LRMDA: variants seen among roughly 807,000 people sequenced by gnomAD.
The protein encoded by LRMDA is leucine-rich melanocyte differentiation-associated protein.
A neutral mutation model predicts 29.8 loss-of-function variants in LRMDA; 18 were observed. That is an observed-to-expected ratio of 0.60 (90% confidence interval 0.42 to 0.90). LRMDA has a LOEUF of 0.90. Among genes scored for constraint, LRMDA ranks in the 40% least tolerant of loss-of-function variants. The probability of loss-of-function intolerance (pLI) is 0.00; values close to 1 mark genes in which losing one functional copy is unlikely to be tolerated. For synonymous variants in LRMDA, 125 were observed against 109.4 expected, an observed-to-expected ratio of 1.14 and a Z score of -0.89; for missense variants, 273 against 273.9, an observed-to-expected ratio of 1.00 and a Z score of 0.02.
intron 2 of LRMDA, among the ~76,000 whole-genome samples, chr10:75,966,393 A>T (rs936091826): frequency 6.6e-6 from 1 of 152,094 alleles, no homozygotes; most frequent in Non-Finnish European, 1.5e-5. Flanking sequence ...GATTCAACGA[A>T]CCCATACGCG....
At chr10:76,486,552 CT>C (rs1338591207) in intron 6 of LRMDA, among the ~76,000 whole-genome samples, 1 of 151,930 alleles carries the variant, frequency 6.6e-6, no homozygotes, top group East Asian at 1.9e-4. Context: ...ATTTAGGACT[CT>C]GAAGAGTCCC....
intron 5 of LRMDA, among the ~76,000 whole-genome samples, chr10:76,207,470 TG>T (rs1266415886): frequency 6.6e-6 from 1 of 152,202 alleles, no homozygotes; most frequent in Non-Finnish European, 1.5e-5. Context: ...TTGAGAAACA[TG>T]CCACATTATT....
chr10:76,349,974 A>C (rs1015663993), intron 6 of LRMDA, among the ~76,000 whole-genome samples: 1 of 152,142 alleles, frequency 6.6e-6, no homozygotes, highest in Admixed American at 6.6e-5. Flanking sequence ...AAAGTGAAAT[A>C]ACATTCAATA....
intron 2 of LRMDA, chr10:75,883,401 T>C (rs1845326625): frequency 1.3e-5 from 2 of 152,136 alleles, no homozygotes; most frequent in Admixed American, 1.3e-4. Context: ...AGGCTGATAA[T>C]CAGCCTATGC....
rs76549865 is a variant in LRMDA, at chr10:75,890,314, C to A, written c.132-145694C>A. ...TTAGGCAGTCATTTGAATTCTCTCT[C>A]TATATATGTGGTGGCTGATATTTAA... On this transcript the variant is annotated intron_variant, in intron 2 of 6. Coordinates refer to ENST00000611255, the MANE Select transcript of LRMDA (RefSeq NM_001305581.2). Among the ~76,000 whole-genome samples the A allele has an allele frequency of 1.2e-3, 185 of 152,264 alleles. No homozygotes were observed. In the East Asian group the frequency reaches 0.015, roughly 12 times the overall value.
intron 2 of LRMDA, among the ~76,000 whole-genome samples, chr10:76,014,858 T>C (rs1465965354): frequency 2.0e-5 from 3 of 152,166 alleles, no homozygotes; most frequent in East Asian, 3.9e-4. Flanking sequence ...AGGCGTGACC[T>C]AGAGTGGCCA....
intron 6 of LRMDA, among the ~76,000 whole-genome samples, chr10:76,542,155 G>A (rs1444530063): frequency 1.3e-5 from 2 of 152,056 alleles, no homozygotes; most frequent in African/African-American, 4.8e-5. Context: ...TTTCACATTT[G>A]GGTTTTAAAT....
chr10:75,872,130 T>C (rs561650305), intron 2 of LRMDA, among the ~76,000 whole-genome samples: 3 of 152,226 alleles, frequency 2.0e-5, no homozygotes, highest in Non-Finnish European at 2.9e-5. Flanking sequence ...TAACTTCTAA[T>C]ATATAAATTC....
At chr10:76,199,996 C>T (rs1021641439) in intron 5 of LRMDA, among the ~76,000 whole-genome samples, 4 of 152,206 alleles carry the variant, frequency 2.6e-5, no homozygotes, top group Non-Finnish European at 4.4e-5. Flanking sequence ...GAGTGTCACT[C>T]TGTCACCCAG....
chr10:76,246,342 G>A (rs1243071519), intron 5 of LRMDA, among the ~76,000 whole-genome samples: 7 of 152,176 alleles, frequency 4.6e-5, no homozygotes, highest in East Asian at 1.9e-4. Context: ...GGTTTCTAAC[G>A]CAGGTTCTTA....
At chr10:76,018,135 G>A (rs1391024048) in intron 2 of LRMDA, among the ~76,000 whole-genome samples, 2 of 152,188 alleles carry the variant, frequency 1.3e-5, no homozygotes, top group African/African-American at 2.4e-5. Flanking sequence ...CTCAAAGGAA[G>A]CAGAGCAGTT....
chr10:75,507,960 A>G (rs1845187082), intron 2 of LRMDA, among the ~76,000 whole-genome samples: 1 of 152,212 alleles, frequency 6.6e-6, no homozygotes, highest in South Asian at 2.1e-4. Flanking sequence ...TTGATGTGCT[A>G]GTATAGTTTT....
chr10:76,135,175 A>C (rs931368056), intron 5 of LRMDA, among the ~76,000 whole-genome samples: 1 of 152,236 alleles, frequency 6.6e-6, no homozygotes, highest in African/African-American at 2.4e-5. Flanking sequence ...CTCTTGGACC[A>C]GAAGAGAAGG....
At chr10:76,454,622 C>A (rs189366045) in intron 6 of LRMDA, among the ~76,000 whole-genome samples, 1 of 149,624 alleles carries the variant, frequency 6.7e-6, no homozygotes, top group Non-Finnish European at 1.5e-5. Flanking sequence ...ACCGCCACCC[C>A]CCACCCCGCC....
At chr10:76,260,475 AT>A (rs141306878) in intron 5 of LRMDA, among the ~76,000 whole-genome samples, 4 of 151,204 alleles carry the variant, frequency 2.6e-5, no homozygotes, top group South Asian at 2.1e-4. Flanking sequence ...CTTGGCTGAC[AT>A]TTTTTTTTCT....
intron 2 of LRMDA, among the ~76,000 whole-genome samples, chr10:75,629,866 G>A (rs538608829): frequency 1.3e-5 from 2 of 152,286 alleles, no homozygotes; most frequent in Non-Finnish European, 2.9e-5. Flanking sequence ...TACCACTTCA[G>A]TAATAGACCT....
intron 5 of LRMDA, among the ~76,000 whole-genome samples, chr10:76,118,152 C>T (rs1849698449): frequency 6.6e-6 from 1 of 151,984 alleles, no homozygotes; most frequent in African/African-American, 2.4e-5. Context: ...TGAGAGAGGC[C>T]ACAAGCAAAT....
Position 76,544,710 on chromosome 10 carries a change from GCACACACACACACACACA to G in LRMDA, c.602-12472_602-12455del, listed in dbSNP as rs71028204. ...CACATATACATTTACATATATACAT[GCACACACACACACACACA>G]CACACACACACACACACACACACAC... On this transcript the variant is annotated intron_variant, in intron 6 of 6. Transcript: ENST00000611255. 7.8e-3 allele frequency among the ~76,000 whole-genome samples: 1,131 copies of G among 145,408 alleles called. 10 individuals carry two copies. The highest frequency in any genetic ancestry group is 0.027 in the African/African-American group (1,068 of 39,308).
intron 2 of LRMDA, among the ~76,000 whole-genome samples, chr10:75,854,137 C>A (rs912686881): frequency 6.6e-6 from 1 of 152,080 alleles, no homozygotes; most frequent in African/African-American, 2.4e-5. Flanking sequence ...TGTGGGAGTG[C>A]AGGAGGAGCT....
Sources: gnomAD v4.1 joint callset for allele counts (sites outside exome capture counted in the v4.1 genomes callset) on GRCh38, gnomAD v4.1.1 for gene constraint, MANE v1.5 for transcripts, NCBI Gene and HGNC (gene_info 2026-07-23, HGNC 2026-07-21) for gene names.